SHB: variants seen among roughly 807,000 people sequenced by gnomAD.
SHB encodes SH2 domain containing adaptor protein B, also known as SH2 domain-containing adapter protein B.
A neutral mutation model predicts 52.3 loss-of-function variants in SHB; 20 were observed. That is an observed-to-expected ratio of 0.38 (90% confidence interval 0.27 to 0.56). The LOEUF is 0.56. Ranked by LOEUF, SHB falls within the 20% of genes least tolerant of loss-of-function variation. The pLI is 0.71. For missense variants in SHB, 825 were observed against 723.3 expected, an observed-to-expected ratio of 1.14 and a Z score of -1.61; for synonymous variants, 397 against 316.5, an observed-to-expected ratio of 1.25 and a Z score of -2.70.
chr9:37,974,983 C>T, intron 2 of SHB, 146 bp from the exon 3 acceptor site: 2 of 700,666 alleles, frequency 2.9e-6, no homozygotes, highest in East Asian at 5.4e-5. Context: ...GTTTTACCCA[C>T]CCCACCAACC....
intron 3 of SHB, among the ~76,000 whole-genome samples, chr9:37,974,083 C>G (rs1413723985): frequency 6.6e-6 from 1 of 152,016 alleles, no homozygotes; most frequent in South Asian, 2.1e-4. Context: ...AGTGAAACCC[C>G]GTCTCTACTA....
At chr9:37,994,181 G>C (rs1182640491) in intron 2 of SHB, among the ~76,000 whole-genome samples, 1 of 152,182 alleles carries the variant, frequency 6.6e-6, no homozygotes. Flanking sequence ...AGTAGAAAGT[G>C]ACCATGAGAT....
chr9:37,977,130 T>C (rs1820666261), intron 2 of SHB, among the ~76,000 whole-genome samples: 1 of 152,208 alleles, frequency 6.6e-6, no homozygotes, highest in African/African-American at 2.4e-5. Context: ...TTATCTCGCC[T>C]CACTTTTTAG....
chr9:37,965,877 C>T (rs1820508413), intron 3 of SHB, among the ~76,000 whole-genome samples: 1 of 152,180 alleles, frequency 6.6e-6, no homozygotes, highest in Non-Finnish European at 1.5e-5. Context: ...GAGTTGGGGG[C>T]ACAGTGAGTG....
At chr9:38,040,166 C>T (rs887557617) in intron 1 of SHB, among the ~76,000 whole-genome samples, 1 of 152,212 alleles carries the variant, frequency 6.6e-6, no homozygotes. Context: ...CAGAACTCAC[C>T]GTCCATGGCA....
rs1295269222 is a variant in SHB, at chr9:37,938,626, T to C, written c.1346+10009A>G. ...TGGCGGAGCCGCACAGGCAGATTTA[T>C]GTGGGCTGATACGAGACAATTAAAA... On this transcript the variant is annotated intron_variant, in intron 5 of 5. Coordinates refer to ENST00000377707, the MANE Select transcript of SHB (RefSeq NM_003028.3). Among the ~76,000 whole-genome samples, 3 of 152,258 alleles carry C rather than the reference T, an allele frequency of 2.0e-5. No individual in the cohort carries two copies. In the East Asian group the frequency reaches 5.8e-4, roughly 29 times the overall value.
intron 3 of SHB, among the ~76,000 whole-genome samples, chr9:37,964,072 T>C (rs577916133): frequency 3.2e-4 from 49 of 152,336 alleles, no homozygotes; most frequent in African/African-American, 1.1e-3. Flanking sequence ...TGTAGGTTCC[T>C]TTCAGGTACC....
At chr9:38,033,311 A>G (rs1390548910) in intron 1 of SHB, among the ~76,000 whole-genome samples, 1 of 152,184 alleles carries the variant, frequency 6.6e-6, no homozygotes, top group East Asian at 1.9e-4. Context: ...GATCATGCCC[A>G]TTTATCAGGG....
At chr9:37,939,661 G>A (rs539468451) in intron 5 of SHB, among the ~76,000 whole-genome samples, 13 of 152,308 alleles carry the variant, frequency 8.5e-5, no homozygotes, top group Non-Finnish European at 1.8e-4. Flanking sequence ...GTTGGCCATT[G>A]GCTGGGCTTC....
At chr9:38,004,711 G>A (rs554338573) in intron 2 of SHB, among the ~76,000 whole-genome samples, 1 of 152,358 alleles carries the variant, frequency 6.6e-6, no homozygotes, top group African/African-American at 2.4e-5. Flanking sequence ...TAGCTTCACG[G>A]AGGGCTGTGT....
At chr9:37,987,527 G>A (rs2244196) in intron 2 of SHB, among the ~76,000 whole-genome samples, 83,367 of 152,074 alleles carry the variant, frequency 0.55, 23,142 homozygotes, top group East Asian at 0.74. Flanking sequence ...GGCAGGCACT[G>A]AAGAGCCCAG....
At chr9:37,959,499 A>G (rs1832671258) in intron 3 of SHB, among the ~76,000 whole-genome samples, 1 of 152,178 alleles carries the variant, frequency 6.6e-6, no homozygotes, top group African/African-American at 2.4e-5. Context: ...CCGAGGGACC[A>G]GATGAATTAT....
At chr9:38,040,792 G>A (rs904968667) in intron 1 of SHB, among the ~76,000 whole-genome samples, 4 of 152,134 alleles carry the variant, frequency 2.6e-5, no homozygotes, top group African/African-American at 9.7e-5. Flanking sequence ...TAGATTTTGA[G>A]GGCTCTAGAT....
At chr9:37,923,208 T>C (rs1832203730) in intron 5 of SHB, among the ~76,000 whole-genome samples, 1 of 152,192 alleles carries the variant, frequency 6.6e-6, no homozygotes. Context: ...CAGTGTTCCA[T>C]GTGAAGCCAG....
In SHB at chr9:38,067,986, C is replaced by T. The variant is rs1367221188; in HGVS notation, c.660G>A (p.Leu220=). 6.5e-7 allele frequency: 1 copy of T among 1,548,906 alleles called. No homozygotes were observed. The highest frequency in any genetic ancestry group is 8.6e-7 in the Non-Finnish European group (1 of 1,157,090). Residue 220 remains leucine (L), a synonymous_variant, in exon 1 of 6, where the codon CTG becomes CTA. Transcript: ENST00000377707. ...CGGCTGAGGCGGCGCACTTGTTGAG[C>T]AGTTTCTTGCCTCCGCAGGCCGTCG... ...WSPTACGGKK[L]LNKCAASAAE... is the part of the protein sequence containing the mutation.
intron 5 of SHB, among the ~76,000 whole-genome samples, chr9:37,928,749 C>T (rs1053548178): frequency 6.6e-6 from 1 of 152,252 alleles, no homozygotes; most frequent in Non-Finnish European, 1.5e-5. Flanking sequence ...CGAATCCCGG[C>T]TCGCCTGGCC....
At chr9:37,934,423 G>C (rs749818215) in intron 5 of SHB, among the ~76,000 whole-genome samples, 33 of 152,040 alleles carry the variant, frequency 2.2e-4, no homozygotes, top group Non-Finnish European at 4.1e-4. Context: ...TCAGCCTCCT[G>C]AGTAGTTTAG....
chr9:38,052,531 T>C (rs1325817157), intron 1 of SHB, among the ~76,000 whole-genome samples: 2 of 152,224 alleles, frequency 1.3e-5, no homozygotes, highest in African/African-American at 4.8e-5. Flanking sequence ...CCCAGTGTCA[T>C]CTGAGAGCTG....
chr9:38,032,752 G>A (rs866447680), intron 1 of SHB, among the ~76,000 whole-genome samples: 1 of 152,186 alleles, frequency 6.6e-6, no homozygotes. Context: ...CCAGTGCAGC[G>A]TGGCACAGTC....
Sources: allele counts gnomAD v4.1 joint callset (sites outside exome capture counted in the v4.1 genomes callset), GRCh38; gene constraint gnomAD v4.1.1; transcripts MANE v1.5; gene names NCBI Gene and HGNC (gene_info 2026-07-23, HGNC 2026-07-21).